Variants in NOTCH2NLC observed in about 807,000 individuals in gnomAD.
NOTCH2NLC encodes the protein notch homolog 2 N-terminal-like protein C.
Under a neutral mutation model 17.7 loss-of-function variants are expected in NOTCH2NLC, and 4 were observed. The observed-to-expected ratio is 0.23, with a 90% CI of 0.11 to 0.52. The LOEUF is 0.52. NOTCH2NLC is among the 20% of genes least tolerant of loss of function. The probability of loss-of-function intolerance (pLI) is 0.96; values close to 1 mark genes in which losing one functional copy is unlikely to be tolerated. For synonymous variants in NOTCH2NLC, 18 were observed against 86.0 expected (o/e 0.21, Z 4.38); for missense variants, 57 against 207.2 (o/e 0.28, Z 4.45).
chr1:149,390,903 C>A lies in NOTCH2NLC; in HGVS notation c.116C>A (p.Ala39Asp). Reference sequence around the variant, plus strand: ...GGGCGCTGCTGGCGCTCTGGCTGTGCTGCGCGACCCCCGCGCATGGTGAGT... The same window carrying A: ...GGGCGCTGCTGGCGCTCTGGCTGTGATGCGCGACCCCCGCGCATGGTGAGT... ...CCGRCWRSGC[A>D]ARPPRMCRDG... The change falls in exon 1 of 5, where the codon GCT (alanine) becomes GAT (aspartate). Residue 39 changes from alanine (A) to aspartate (D), a missense_variant. Physicochemically the swap from Ala to Asp is moderately radical, Grantham distance 126. Around this residue, in one of 7 missense-constraint regions of NOTCH2NLC, gnomAD observed 4 missense variants for 21.2 expected, o/e 0.19. Coordinates refer to ENST00000650865, the MANE Select transcript of NOTCH2NLC (RefSeq NM_001364013.2). 22 of 1,445,098 alleles carry A rather than the reference C, an allele frequency of 1.5e-5. 1 individual carries two copies. Among genetic ancestry groups the A allele is most frequent in the Non-Finnish European group, 1.9e-5 (21 of 1,105,786 alleles). The allele number at this position is 1,445,098 out of a possible 1,614,324, so 89.5% of individuals were successfully genotyped here.
chr1:149,433,748 A>G (rs1348309310), intron 2 of NOTCH2NLC, among the ~76,000 whole-genome samples: 1 of 148,984 alleles, frequency 6.7e-6, no homozygotes, highest in Non-Finnish European at 1.5e-5. Context: ...AAGGTTGGAG[A>G]CCATCCTGGC....
At chr1:149,392,796 G>T (rs2084178369) in intron 1 of NOTCH2NLC, among the ~76,000 whole-genome samples, 1 of 151,170 alleles carries the variant, frequency 6.6e-6, no homozygotes, top group African/African-American at 2.4e-5. Flanking sequence ...TATTGGCCGG[G>T]CGCGGTGGCT....
At chr1:149,392,927 C>A (rs1474188405) in intron 1 of NOTCH2NLC, among the ~76,000 whole-genome samples, 1 of 150,154 alleles carries the variant, frequency 6.7e-6, no homozygotes, top group African/African-American at 2.4e-5. Context: ...AAAAATTAGC[C>A]GGGCGTAGTG....
intron 1 of NOTCH2NLC, among the ~76,000 whole-genome samples, chr1:149,418,849 C>G (rs2084360563): frequency 6.7e-6 from 1 of 148,206 alleles, no homozygotes; most frequent in African/African-American, 2.5e-5. Context: ...GTGGAATTCC[C>G]TTAGGCTTCC....
intron 3 of NOTCH2NLC, among the ~76,000 whole-genome samples, chr1:149,460,863 CTT>C (rs2084642125): frequency 2.1e-3 from 6 of 2,850 alleles, no homozygotes; most frequent in South Asian, 0.013. Flanking sequence ...CCCTTTCTTT[CTT>C]TCTTTCTTTC....
At chr1:149,395,785 A>G (rs1447948519) in intron 1 of NOTCH2NLC, among the ~76,000 whole-genome samples, 1 of 146,856 alleles carries the variant, frequency 6.8e-6, no homozygotes, top group Non-Finnish European at 1.5e-5. Flanking sequence ...CTGGATTGAG[A>G]GAATATGTAC....
At chr1:149,419,210 ATTGT>A (rs2084364890) in intron 1 of NOTCH2NLC, among the ~76,000 whole-genome samples, 1 of 149,490 alleles carries the variant, frequency 6.7e-6, no homozygotes, top group African/African-American at 2.5e-5. Flanking sequence ...TGGAATTTAT[ATTGT>A]TTCTTTTGAT....
intron 2 of NOTCH2NLC, among the ~76,000 whole-genome samples, chr1:149,444,851 T>TC (rs2084539073): frequency 3.4e-5 from 5 of 145,142 alleles, no homozygotes; most frequent in African/African-American, 1.3e-4. Flanking sequence ...ACCACAAGCG[T>TC]CCCAGTTCTG....
At position 149,390,817 on chromosome 1, in the gene NOTCH2NLC, C is replaced by CGGCGGCGGCGGCGGAGGAGGA; in HGVS notation, c.50_51insAGGCGGCGGCGGCGGAGGAGG (p.Gly12_Gly18dup). 7.7e-7 allele frequency: 1 copy of CGGCGGCGGCGGCGGAGGAGGA among 1,300,872 alleles called. No individual in the cohort carries two copies. The highest frequency in any genetic ancestry group is 9.8e-7 in the Non-Finnish European group (1 of 1,022,618). 80.6% of individuals were successfully genotyped at this position (1,300,872 alleles called of 1,614,324 possible). A position where few individuals can be genotyped will look rare whatever the true frequency, so the allele number is the denominator to read the frequency against. On this transcript the variant is annotated inframe_insertion, in exon 1 of 5. Transcript: ENST00000650865. ...GGATCTGCCCAGGCGGCGGCGGCGGCGGCGGCGGCGGCGGAGGAGGCGGCG... is the reference window on the plus strand; with the variant it reads ...GGATCTGCCCAGGCGGCGGCGGCGGCGGCGGCGGCGGCGGAGGAGGAGGCGGCGGCGGCGGAGGAGGCGGCG...
chr1:149,391,934 CTT>C (rs2084171272), intron 1 of NOTCH2NLC, among the ~76,000 whole-genome samples: 1 of 112,480 alleles, frequency 8.9e-6, no homozygotes, highest in African/African-American at 3.4e-5. Context: ...GTGGAAATAA[CTT>C]GGGCTTTGGA....
chr1:149,400,196 A>T (rs1182125346), intron 1 of NOTCH2NLC, among the ~76,000 whole-genome samples: 1 of 138,694 alleles, frequency 7.2e-6, no homozygotes, highest in Non-Finnish European at 1.6e-5. Context: ...CACACATAAT[A>T]TACTATTGTC....
chr1:149,423,238 C>T (rs2084387190), intron 1 of NOTCH2NLC, among the ~76,000 whole-genome samples: 1 of 148,802 alleles, frequency 6.7e-6, no homozygotes, highest in African/African-American at 2.5e-5. Context: ...TCTCTTATTG[C>T]TTTTTTTTGG....
chr1:149,402,089 T>G (rs2084249413), intron 1 of NOTCH2NLC, among the ~76,000 whole-genome samples: 1 of 150,116 alleles, frequency 6.7e-6, no homozygotes, highest in Non-Finnish European at 1.5e-5. Flanking sequence ...TTTTTCTTTT[T>G]TTTTTTTGAG....
At chr1:149,419,895 C>T (rs1342857823) in intron 1 of NOTCH2NLC, among the ~76,000 whole-genome samples, 1 of 100,306 alleles carries the variant, frequency 1.0e-5, no homozygotes, top group Non-Finnish European at 1.8e-5. Context: ...CAGGCAGAGT[C>T]TTGCTGTGTC....
chr1:149,415,121 CTTTT>C (rs1253861178), intron 1 of NOTCH2NLC, among the ~76,000 whole-genome samples: 1 of 94,758 alleles, frequency 1.1e-5, no homozygotes, highest in Non-Finnish European at 2.1e-5. Context: ...GTAAAGGCTC[CTTTT>C]TTTTTTTTTT....
rs1320326187 is a variant in NOTCH2NLC at position 149,461,095 on chromosome 1, C to T, written c.470-2396C>T. Among the ~76,000 whole-genome samples the T allele has an allele frequency of 3.7e-4, 56 of 150,210 alleles. 3 individuals are homozygous for T. In the East Asian group the frequency reaches 6.7e-3, roughly 18 times the overall value. On this transcript the variant is annotated intron_variant, in intron 3 of 4. Coordinates refer to ENST00000650865, the MANE Select transcript of NOTCH2NLC (RefSeq NM_001364013.2). The stretch of plus-strand genomic sequence containing the variant: ...GATTACAGGTATGTGCTATGAAGCC[C>T]GGCAAATTTTTGTAGTTTTAGAAAA...
chr1:149,457,613 G>A (rs1349092184), intron 3 of NOTCH2NLC, among the ~76,000 whole-genome samples: 1 of 150,500 alleles, frequency 6.6e-6, no homozygotes, highest in Non-Finnish European at 1.5e-5. Flanking sequence ...TAGGCTGTCT[G>A]CAGGCTGAGG....
chr1:149,401,665 CAT>C (rs2084246600), intron 1 of NOTCH2NLC, among the ~76,000 whole-genome samples: 1 of 68,444 alleles, frequency 1.5e-5, no homozygotes, highest in Admixed American at 1.8e-4. Flanking sequence ...TGATTAAAAA[CAT>C]AGGTTGATGA....
At chr1:149,430,611 A>G (rs1237968643) in intron 1 of NOTCH2NLC, among the ~76,000 whole-genome samples, 2 of 143,030 alleles carry the variant, frequency 1.4e-5, no homozygotes, top group Admixed American at 1.4e-4. Flanking sequence ...CATCTGAAGT[A>G]TCTAAATCCC....
Sources: allele counts gnomAD v4.1 joint callset (sites outside exome capture counted in the v4.1 genomes callset), GRCh38; gene constraint gnomAD v4.1.1; regional missense constraint gnomAD v4.1.1; transcripts MANE v1.5; gene names NCBI Gene and HGNC (gene_info 2026-07-23, HGNC 2026-07-21).